NRXN3: variants seen among roughly 807,000 people sequenced by gnomAD.
NRXN3 encodes neurexin III.
A neutral mutation model predicts 137.6 loss-of-function variants in NRXN3; 32 were observed. That is an observed-to-expected ratio of 0.23 (90% CI 0.18 to 0.31). The LOEUF (loss-of-function observed/expected upper bound fraction) is 0.31. Ranked by LOEUF, NRXN3 falls within the 10% of genes least tolerant of loss-of-function variation. NRXN3 has a pLI of 1.00. For synonymous variants in NRXN3, 798 were observed against 784.5 expected, an observed-to-expected ratio of 1.02 and a Z score of -0.29; for missense variants, 1,574 against 2,062.5, an observed-to-expected ratio of 0.76 and a Z score of 4.59.
chr14:79,792,757 T>G (rs1568269759), intron 19 of NRXN3, among the ~76,000 whole-genome samples: 2 of 152,218 alleles, frequency 1.3e-5, no homozygotes, highest in Admixed American at 6.5e-5. Flanking sequence ...TCAGCTGGCT[T>G]TCAAAATCCT....
chr14:79,837,317 C>T (rs914618296), intron 20 of NRXN3, among the ~76,000 whole-genome samples: 2 of 151,636 alleles, frequency 1.3e-5, no homozygotes, highest in African/African-American at 4.8e-5. Context: ...CCGTCTTATC[C>T]ATTTCATATG....
intron 16 of NRXN3, among the ~76,000 whole-genome samples, chr14:79,656,725 C>G (rs1354244656): frequency 6.6e-6 from 1 of 151,704 alleles, no homozygotes; most frequent in Admixed American, 6.6e-5. Flanking sequence ...ATCTAATCCA[C>G]TTTAATTGAT....
chr14:78,805,013 C>T (rs1008475246), intron 9 of NRXN3, among the ~76,000 whole-genome samples: 6 of 152,170 alleles, frequency 3.9e-5, no homozygotes, highest in African/African-American at 1.4e-4. Flanking sequence ...TGTAGGCCCA[C>T]ATGTCCTGGT....
intron 15 of NRXN3, among the ~76,000 whole-genome samples, chr14:79,013,272 G>A (rs2099574072): frequency 6.6e-6 from 1 of 152,102 alleles, no homozygotes; most frequent in Non-Finnish European, 1.5e-5. Context: ...ATATAATAAT[G>A]ACTTACACCT....
chr14:78,834,300 G>A (rs565882325), intron 10 of NRXN3, among the ~76,000 whole-genome samples: 3 of 152,256 alleles, frequency 2.0e-5, no homozygotes, highest in South Asian at 4.2e-4. Flanking sequence ...TCAAGGTGAG[G>A]TGGGCACAAA....
chr14:78,985,356 G>T (rs569357933), intron 14 of NRXN3, among the ~76,000 whole-genome samples: 4 of 152,234 alleles, frequency 2.6e-5, no homozygotes, highest in African/African-American at 7.2e-5. Context: ...AAAACATAAA[G>T]CAATTAGAGG....
At chr14:78,414,458 G>C (rs780055567) in intron 4 of NRXN3, among the ~76,000 whole-genome samples, 2 of 152,200 alleles carry the variant, frequency 1.3e-5, no homozygotes, top group African/African-American at 4.8e-5. Context: ...AGACGGGCAA[G>C]TTGGCTGCCA....
intron 4 of NRXN3, among the ~76,000 whole-genome samples, chr14:78,489,042 C>G (rs1479632478): frequency 6.6e-6 from 1 of 152,106 alleles, no homozygotes; most frequent in Non-Finnish European, 1.5e-5. Flanking sequence ...CAGAGAGATG[C>G]AAACAGGAAG....
At chr14:79,447,534 T>G (rs2096082694) in intron 15 of NRXN3, among the ~76,000 whole-genome samples, 1 of 152,200 alleles carries the variant, frequency 6.6e-6, no homozygotes, top group Non-Finnish European at 1.5e-5. Context: ...AATTTCTATT[T>G]TCATGTATTC....
intron 19 of NRXN3, among the ~76,000 whole-genome samples, chr14:79,783,497 A>G (rs539465766): frequency 4.6e-5 from 7 of 152,310 alleles, no homozygotes; most frequent in African/African-American, 1.4e-4. Context: ...CTAGATTCCC[A>G]TTGCTGTATT....
intron 14 of NRXN3, among the ~76,000 whole-genome samples, chr14:78,971,417 C>T (rs2099439614): frequency 7.0e-6 from 1 of 143,470 alleles, no homozygotes; most frequent in Non-Finnish European, 1.5e-5. Context: ...CTAGAATACA[C>T]AGATAAACAT....
At position 79,865,570 on chromosome 14, in the gene NRXN3, G is replaced by A. The variant is rs1198867609; in HGVS notation, c.*3606G>A. 2 of 152,120 alleles carry A rather than the reference G, an allele frequency of 1.3e-5. No homozygotes were observed. The highest frequency in any genetic ancestry group is 2.9e-5 in the Non-Finnish European group (2 of 68,018). 9.4% of individuals were successfully genotyped at this position (152,120 alleles called of 1,614,324 possible). On this transcript the variant is annotated 3_prime_UTR_variant, in exon 21 of 21. Coordinates refer to ENST00000335750, the MANE Select transcript of NRXN3 (RefSeq NM_001330195.2). The stretch of plus-strand genomic sequence containing the variant: ...GTTAGGAATGGGGGGGAGAAAGTCA[G>A]GTTCAGTGATGTCAAATTATGTAAA...
rs1298828612 is a variant in NRXN3, at chr14:78,887,373, CT to C, written c.2276-69860del. Among the ~76,000 whole-genome samples the C allele has an allele frequency of 5.3e-5, 8 of 151,092 alleles. No individual in the cohort carries two copies. In the South Asian group the frequency reaches 1.0e-3, roughly 20 times the overall value. ...GAGAGAGAAAGATTATTTTATCTTTCTTTTTTTTTCTGGAAAGAGGGATGTA... is the reference window on the plus strand; with the variant it reads ...GAGAGAGAAAGATTATTTTATCTTTCTTTTTTTTCTGGAAAGAGGGATGTA... On this transcript the variant is annotated intron_variant, in intron 10 of 20. Coordinates refer to ENST00000335750, the MANE Select transcript of NRXN3 (RefSeq NM_001330195.2).
chr14:79,437,096 C>T (rs1274805160), intron 15 of NRXN3, among the ~76,000 whole-genome samples: 1 of 152,116 alleles, frequency 6.6e-6, no homozygotes, highest in Non-Finnish European at 1.5e-5. Context: ...CTCTAGCCTA[C>T]CTCTGTGGAC....
At chr14:79,594,441 A>G (rs975562082) in intron 16 of NRXN3, among the ~76,000 whole-genome samples, 2 of 152,182 alleles carry the variant, frequency 1.3e-5, no homozygotes, top group African/African-American at 2.4e-5. Context: ...AGTACTAGAG[A>G]TACTATAGCC....
intron 16 of NRXN3, among the ~76,000 whole-genome samples, chr14:79,587,427 C>T (rs368987646): frequency 1.3e-5 from 2 of 152,200 alleles, no homozygotes; most frequent in East Asian, 1.9e-4. Flanking sequence ...CTCTGCTGGA[C>T]GCTTCCTTCA....
intron 16 of NRXN3, among the ~76,000 whole-genome samples, chr14:79,655,683 G>C (rs1190958526): frequency 2.0e-5 from 3 of 152,090 alleles, no homozygotes; most frequent in Non-Finnish European, 4.4e-5. Flanking sequence ...ATTAGAGCCA[G>C]CTATTTCTTT....
chr14:79,142,370 G>A (rs529389815), intron 15 of NRXN3, among the ~76,000 whole-genome samples: 1 of 151,762 alleles, frequency 6.6e-6, no homozygotes, highest in Admixed American at 6.6e-5. Context: ...ACGTTGCAGT[G>A]AGCCGAGATG....
intron 19 of NRXN3, among the ~76,000 whole-genome samples, chr14:79,717,830 G>A (rs1011091665): frequency 6.6e-6 from 1 of 152,080 alleles, no homozygotes; most frequent in Non-Finnish European, 1.5e-5. Context: ...TAAAATGAAG[G>A]GGTTTGACTT....
Sources: allele counts gnomAD v4.1 joint callset (sites outside exome capture counted in the v4.1 genomes callset), GRCh38; gene constraint gnomAD v4.1.1; transcripts MANE v1.5; gene names NCBI Gene and HGNC (gene_info 2026-07-23, HGNC 2026-07-21).